Variants in SV2C observed in about 807,000 individuals in gnomAD.
SV2C encodes solute carrier family 22 member B3.
Under a neutral mutation model 79.7 loss-of-function variants are expected in SV2C, and 49 were observed. That is an observed-to-expected ratio of 0.61 (90% confidence interval 0.49 to 0.78). The LOEUF (loss-of-function observed/expected upper bound fraction) is 0.78, where lower values mean the gene tolerates loss of function less well. Ranked by LOEUF, SV2C falls within the 30% of genes least tolerant of loss-of-function variation. The pLI is 0.00. For synonymous variants in SV2C, 334 were observed against 333.2 expected (o/e 1.00, Z -0.03); for missense variants, 833 against 912.9 (o/e 0.91, Z 1.13).
At chr5:76,125,936 A>C (rs1363479852) in intron 1 of SV2C, among the ~76,000 whole-genome samples, 3 of 152,154 alleles carry the variant, frequency 2.0e-5, no homozygotes, top group Admixed American at 1.3e-4. Flanking sequence ...GCACACCTGT[A>C]GTCCCAGCTA....
the SV2C span, among the ~76,000 whole-genome samples, chr5:75,992,721 A>C: frequency 2.7e-5 from 4 of 149,934 alleles, no homozygotes; most frequent in African/African-American, 9.8e-5. Context: ...ATTGACAAAA[A>C]TTGGTCAATA....
chr5:75,908,225 C>T, the SV2C span, among the ~76,000 whole-genome samples: 1 of 152,246 alleles, frequency 6.6e-6, no homozygotes, highest in South Asian at 2.1e-4. Flanking sequence ...CACCAATCTG[C>T]TTTCTGTCTC....
intron 4 of SV2C, among the ~76,000 whole-genome samples, chr5:76,228,263 C>T (rs190099339): frequency 1.3e-5 from 2 of 152,256 alleles, no homozygotes; most frequent in Admixed American, 6.5e-5. Flanking sequence ...TTCACCTGGG[C>T]GTTTCTCAAA....
chr5:76,003,757 G>A, the SV2C span, among the ~76,000 whole-genome samples: 1 of 152,088 alleles, frequency 6.6e-6, no homozygotes, highest in Non-Finnish European at 1.5e-5. Context: ...ATAAAAAGCA[G>A]GGGCCATTTG....
At chr5:75,993,496 G>A in the SV2C span, among the ~76,000 whole-genome samples, 6 of 152,034 alleles carry the variant, frequency 3.9e-5, no homozygotes, top group Non-Finnish European at 7.4e-5. Flanking sequence ...TTTCACCTTG[G>A]TAAGAAAAAT....
the SV2C span, among the ~76,000 whole-genome samples, chr5:76,038,974 T>C: frequency 6.6e-6 from 1 of 152,214 alleles, no homozygotes; most frequent in Admixed American, 6.5e-5. Context: ...CAATATGACA[T>C]ACAAAGCTTC....
chr5:76,082,617 T>C (rs1253935455), upstream of SV2C, among the ~76,000 whole-genome samples: 6 of 137,714 alleles, frequency 4.4e-5, no homozygotes, highest in Non-Finnish European at 9.3e-5. Context: ...CCTCTCTCTC[T>C]CTCTATCTCT....
chr5:76,342,745 T>C (rs1749466627), intron 12 of SV2C, among the ~76,000 whole-genome samples: 1 of 152,224 alleles, frequency 6.6e-6, no homozygotes, highest in African/African-American at 2.4e-5. Flanking sequence ...ACGAGGATAC[T>C]TATTTGGGAT....
intron 4 of SV2C, among the ~76,000 whole-genome samples, chr5:76,237,989 C>CACAT (rs138814817): frequency 2.0e-5 from 3 of 149,934 alleles, no homozygotes; most frequent in South Asian, 2.1e-4. Flanking sequence ...CACACACACA[C>CACAT]ACATACATAC....
chr5:75,920,085 AG>A, the SV2C span, among the ~76,000 whole-genome samples: 1 of 152,230 alleles, frequency 6.6e-6, no homozygotes, highest in African/African-American at 2.4e-5. Context: ...TAGAAGTTAA[AG>A]GAATTGACTA....
the SV2C span, among the ~76,000 whole-genome samples, chr5:76,055,012 A>C: frequency 4.6e-5 from 7 of 151,974 alleles, no homozygotes; most frequent in Non-Finnish European, 8.8e-5. Context: ...ATTAGATCCC[A>C]TTTGTCAGTA....
chr5:76,314,205 C>T (rs1748548491), intron 12 of SV2C, among the ~76,000 whole-genome samples: 1 of 152,190 alleles, frequency 6.6e-6, no homozygotes, highest in Non-Finnish European at 1.5e-5. Flanking sequence ...ATTAATTTGG[C>T]TATGGATGAT....
At chr5:76,107,749 G>A (rs1416174797) in intron 1 of SV2C, among the ~76,000 whole-genome samples, 1 of 152,110 alleles carries the variant, frequency 6.6e-6, no homozygotes, top group Non-Finnish European at 1.5e-5. Flanking sequence ...AGCTACTCAG[G>A]AGGTTGAGGC....
the SV2C span, among the ~76,000 whole-genome samples, chr5:75,849,461 A>G: frequency 6.6e-6 from 1 of 152,226 alleles, no homozygotes; most frequent in African/African-American, 2.4e-5. Context: ...AGACCACTGT[A>G]TAGACCACCA....
chr5:75,868,402 TA>T, the SV2C span, among the ~76,000 whole-genome samples: 487 of 152,256 alleles, frequency 3.2e-3, 2 homozygotes, highest in Middle Eastern at 0.01. Flanking sequence ...TTTGTTCTCT[TA>T]AATGAGCACT....
chr5:76,104,457 A>G (rs1357574513), intron 1 of SV2C, among the ~76,000 whole-genome samples: 2 of 152,186 alleles, frequency 1.3e-5, no homozygotes, highest in Admixed American at 6.5e-5. Context: ...TGATAATGGC[A>G]CACAGCAGCC....
At chr5:76,257,441 T>C (rs1746320528) in intron 4 of SV2C, among the ~76,000 whole-genome samples, 1 of 151,374 alleles carries the variant, frequency 6.6e-6, no homozygotes, top group Admixed American at 6.6e-5. Flanking sequence ...ATGTGCAGTA[T>C]ATGGGTGTGT....
the SV2C span, among the ~76,000 whole-genome samples, chr5:76,048,965 G>GAGAAAGTAAGAA: frequency 1.7e-5 from 1 of 58,164 alleles, no homozygotes; most frequent in African/African-American, 7.1e-5. Context: ...GAAAGAAAAA[G>GAGAAAGTAAGAA]AGAAAGAAAG....
At chr5:75,861,593 C>T in the SV2C span, among the ~76,000 whole-genome samples, 20 of 152,024 alleles carry the variant, frequency 1.3e-4, no homozygotes, top group Admixed American at 9.2e-4. Flanking sequence ...GAGTGGTGGA[C>T]TGGATAAAAA....
Sources: gnomAD v4.1 joint callset for allele counts (sites outside exome capture counted in the v4.1 genomes callset) on GRCh38, gnomAD v4.1.1 for gene constraint, MANE v1.5 for transcripts, NCBI Gene and HGNC (gene_info 2026-07-23, HGNC 2026-07-21) for gene names.